The following CDK14 variants were observed in gnomAD, a reference collection of about 807,000 sequenced individuals.
CDK14 encodes the protein cyclin-dependent kinase 14.
In CDK14, 34 loss-of-function variants were observed where a neutral mutation model predicts 60.7. The observed-to-expected ratio is 0.56, with a 90% CI of 0.43 to 0.75. CDK14 has a LOEUF of 0.75. Among genes scored for constraint, CDK14 ranks in the 30% least tolerant of loss-of-function variants. The pLI, the probability that CDK14 is intolerant of heterozygous loss-of-function variation, is 0.00. For missense variants in CDK14, 482 were observed against 564.1 expected, an observed-to-expected ratio of 0.85 and a Z score of 1.47; for synonymous variants, 197 against 203.7, an observed-to-expected ratio of 0.97 and a Z score of 0.28.
chr7:90,786,113 A>G (rs1319458443), intron 4 of CDK14, among the ~76,000 whole-genome samples: 1 of 152,206 alleles, frequency 6.6e-6, no homozygotes, highest in Admixed American at 6.5e-5. Context: ...CCTTTGGGCT[A>G]AGCTGGGAAT....
At position 91,076,242 on chromosome 7, in the gene CDK14, C is replaced by CAAAAAAAAAA. The variant is rs564729987; in HGVS notation, c.1106-3165_1106-3156dup. Among the ~76,000 whole-genome samples, 25 of 28,802 alleles carry CAAAAAAAAAA rather than the reference C, an allele frequency of 8.7e-4. 2 individuals are homozygous for CAAAAAAAAAA. The highest frequency in any genetic ancestry group is 1.1e-3 in the Non-Finnish European group (16 of 14,462). The allele number at this position is 28,802 out of a possible 152,430, so 18.9% of individuals were successfully genotyped here. Reference sequence around the variant, plus strand: ...AACTATACTACAGTGCTACAGTAACCAAAAAAAAAAAAAAAAAAAAAAAAA... The same window carrying CAAAAAAAAAA: ...AACTATACTACAGTGCTACAGTAACCAAAAAAAAAAAAAAAAAAAAAAAAAAAAAAAAAAA... On this transcript the variant is annotated intron_variant, in intron 11 of 14. Transcript: ENST00000380050.
At chr7:90,666,340 G>C (rs1800979427) in intron 2 of CDK14, 1 of 152,192 alleles carries the variant, frequency 6.6e-6, no homozygotes, top group South Asian at 2.1e-4. Context: ...TTTTTATCAG[G>C]CTGTGGAAGT....
Position 91,008,151 on chromosome 7 carries a change from A to AACAAC in CDK14, c.1041+23911_1041+23912insCAACA, listed in dbSNP as rs376733085. Among the ~76,000 whole-genome samples, 64 of 112,570 alleles carry AACAAC rather than the reference A, an allele frequency of 5.7e-4. 1 individual carries two copies. Among genetic ancestry groups the AACAAC allele is most frequent in the African/African-American group, 2.1e-3 (63 of 30,640 alleles). The allele number at this position is 112,570 out of a possible 152,430, so 73.9% of individuals were successfully genotyped here. A position where few individuals can be genotyped will look rare whatever the true frequency, so the allele number is the denominator to read the frequency against. On this transcript the variant is annotated intron_variant, in intron 10 of 14. Transcript: ENST00000380050. Reference sequence around the variant, plus strand: ...CCAAAAAAAAAAAAAAAAAACAAACAAAAAAAAACAGTGGATGGTGGAGGC... The same window carrying AACAAC: ...CCAAAAAAAAAAAAAAAAAACAAACAACAACAAAAAAAACAGTGGATGGTGGAGGC...
chr7:91,093,647 A>G (rs954171243), intron 12 of CDK14, among the ~76,000 whole-genome samples: 4 of 152,204 alleles, frequency 2.6e-5, no homozygotes, highest in Non-Finnish European at 4.4e-5. Context: ...CAGAACTACC[A>G]TTTGACTCAG....
chr7:90,992,053 A>C (rs986616414), intron 10 of CDK14, among the ~76,000 whole-genome samples: 4 of 152,226 alleles, frequency 2.6e-5, no homozygotes, highest in Non-Finnish European at 4.4e-5. Flanking sequence ...ATAAACATTG[A>C]GTGGTTCATG....
intron 2 of CDK14, among the ~76,000 whole-genome samples, chr7:90,663,056 T>C (rs549097062): frequency 1.3e-5 from 2 of 151,658 alleles, no homozygotes; most frequent in Non-Finnish European, 2.9e-5. Context: ...TTGAGTGGAA[T>C]GTCTACACAC....
chr7:91,187,873 G>T (rs1310122030), intron 14 of CDK14, among the ~76,000 whole-genome samples: 1 of 151,704 alleles, frequency 6.6e-6, no homozygotes, highest in Non-Finnish European at 1.5e-5. Flanking sequence ...TCTTTGCCTG[G>T]CCTGCGCCAT....
intron 11 of CDK14, among the ~76,000 whole-genome samples, chr7:91,062,775 A>C (rs1242843095): frequency 6.6e-6 from 1 of 151,930 alleles, no homozygotes; most frequent in Non-Finnish European, 1.5e-5. Context: ...AACCACCCCA[A>C]AGGTGTACTA....
intron 14 of CDK14, among the ~76,000 whole-genome samples, chr7:91,161,840 T>C (rs1801175631): frequency 6.6e-6 from 1 of 152,194 alleles, no homozygotes; most frequent in Non-Finnish European, 1.5e-5. Flanking sequence ...TAGAACATAA[T>C]AAATAAAATA....
chr7:91,147,162 T>TCTCTCACA (rs1438870514), intron 14 of CDK14, among the ~76,000 whole-genome samples: 1 of 124,698 alleles, frequency 8.0e-6, no homozygotes, highest in Non-Finnish European at 1.6e-5. Context: ...TCTCTCTCTC[T>TCTCTCACA]CACACACACA....
intron 8 of CDK14, among the ~76,000 whole-genome samples, chr7:90,953,609 A>G (rs1206435638): frequency 6.6e-6 from 1 of 152,192 alleles, no homozygotes; most frequent in Non-Finnish European, 1.5e-5. Context: ...AACTGGGAAC[A>G]TCACAGTTTT....
At chr7:90,982,923 G>A (rs802398) in intron 9 of CDK14, among the ~76,000 whole-genome samples, 113,555 of 152,008 alleles carry the variant, frequency 0.75, 42,506 homozygotes, top group East Asian at 0.77. Flanking sequence ...GAAGACATAC[G>A]AGCAGCCAAC....
intron 6 of CDK14, among the ~76,000 whole-genome samples, chr7:90,878,233 A>G (rs1476673639): frequency 6.6e-6 from 1 of 152,060 alleles, no homozygotes; most frequent in Admixed American, 6.5e-5. Context: ...TTACTACAGG[A>G]AGTAATATCA....
intron 10 of CDK14, among the ~76,000 whole-genome samples, chr7:90,989,320 T>C (rs1328233194): frequency 6.6e-6 from 1 of 152,204 alleles, no homozygotes; most frequent in East Asian, 1.9e-4. Flanking sequence ...AACAGCCACA[T>C]GGTTAGGATG....
intron 6 of CDK14, among the ~76,000 whole-genome samples, chr7:90,892,924 G>A (rs1267034883): frequency 5.9e-5 from 9 of 152,110 alleles, no homozygotes; most frequent in Admixed American, 3.3e-4. Flanking sequence ...GACTACAGGC[G>A]TGCACCACCA....
chr7:90,625,044 C>T (rs1349826706), intron 2 of CDK14, among the ~76,000 whole-genome samples: 2 of 152,124 alleles, frequency 1.3e-5, no homozygotes, highest in Non-Finnish European at 1.5e-5. Flanking sequence ...CGGCGAATGG[C>T]TCATAGTAAA....
chr7:90,900,775 A>T (rs1350735418), intron 7 of CDK14, among the ~76,000 whole-genome samples: 1 of 152,204 alleles, frequency 6.6e-6, no homozygotes, highest in Admixed American at 6.5e-5. Flanking sequence ...AATTGAGATT[A>T]AATAACTGAT....
At chr7:91,163,195 G>A (rs1383395143) in intron 14 of CDK14, among the ~76,000 whole-genome samples, 2 of 152,198 alleles carry the variant, frequency 1.3e-5, no homozygotes, top group African/African-American at 2.4e-5. Context: ...AGATCTTCTT[G>A]CTGGATCATA....
At chr7:90,949,565 A>T (rs537398990) in intron 8 of CDK14, among the ~76,000 whole-genome samples, 1 of 152,200 alleles carries the variant, frequency 6.6e-6, no homozygotes, top group Non-Finnish European at 1.5e-5. Context: ...GGCATAATTT[A>T]TTGAACTTAA....
Sources: gnomAD v4.1 joint callset for allele counts (sites outside exome capture counted in the v4.1 genomes callset) on GRCh38, gnomAD v4.1.1 for gene constraint, MANE v1.5 for transcripts, NCBI Gene and HGNC (gene_info 2026-07-23, HGNC 2026-07-21) for gene names.